The following ECPAS variants were observed in gnomAD, a reference collection of about 807,000 sequenced individuals.
ECPAS encodes the protein proteasome adapter and scaffold protein ECM29.
A neutral mutation model predicts 255.1 loss-of-function variants in ECPAS; 70 were observed. The observed-to-expected ratio is 0.27, with a 90% confidence interval of 0.23 to 0.33. The LOEUF is 0.33. Ranked by LOEUF, ECPAS falls within the 10% of genes least tolerant of loss-of-function variation. The pLI is 1.00. For missense variants in ECPAS, 1,817 were observed against 2,206.4 expected, an observed-to-expected ratio of 0.82 and a Z score of 3.54; for synonymous variants, 784 against 775.0, an observed-to-expected ratio of 1.01 and a Z score of -0.19.
intron 35 of ECPAS, among the ~76,000 whole-genome samples, chr9:111,382,124 T>C (rs2131563962): frequency 6.6e-6 from 1 of 152,196 alleles, no homozygotes; most frequent in South Asian, 2.1e-4. Context: ...TTTTGTGCTA[T>C]AAGGAGTGAT....
intron 9 of ECPAS, 84 bp from the exon 10 acceptor site, chr9:111,428,245 GGT>G: frequency 2.2e-6 from 3 of 1,339,266 alleles, no homozygotes; most frequent in Non-Finnish European, 3.0e-6. Flanking sequence ...CTTAATCAGT[GGT>G]CTCTCAAACT....
intron 3 of ECPAS, among the ~76,000 whole-genome samples, chr9:111,449,752 G>C (rs935111519): frequency 1.3e-5 from 2 of 152,170 alleles, no homozygotes; most frequent in African/African-American, 4.8e-5. Context: ...CCAACAGCTA[G>C]AGTGATGGAG....
intron 21 of ECPAS, 40 bp downstream of exon 21, chr9:111,411,974 C>A: frequency 8.2e-6 from 12 of 1,466,144 alleles, no homozygotes; most frequent in South Asian, 1.5e-5. Flanking sequence ...TTTATAAAAC[C>A]CTATCTCCCA....
At chr9:111,372,397 G>A (rs781281916) in intron 42 of ECPAS, 32 bp downstream of exon 42, 7 of 1,578,474 alleles carry the variant, frequency 4.4e-6, no homozygotes, top group Non-Finnish European at 6.0e-6. Flanking sequence ...TGATTCCTAA[G>A]AAGCAGGTTT....
At chr9:111,457,505 A>G (rs2131997755) in intron 2 of ECPAS, among the ~76,000 whole-genome samples, 1 of 152,334 alleles carries the variant, frequency 6.6e-6, no homozygotes, top group East Asian at 1.9e-4. Flanking sequence ...ACAGGAGGGA[A>G]ACAGGAAGAC....
chr9:111,440,865 A>C (rs1057354288), intron 5 of ECPAS, among the ~76,000 whole-genome samples: 2 of 152,238 alleles, frequency 1.3e-5, no homozygotes, highest in African/African-American at 4.8e-5. Context: ...TTGTCTTTTC[A>C]AAAAGAATTA....
chr9:111,447,237 A>G (rs2098254393), intron 3 of ECPAS, among the ~76,000 whole-genome samples: 3 of 151,618 alleles, frequency 2.0e-5, no homozygotes, highest in African/African-American at 7.3e-5. Flanking sequence ...CAATCTTCCT[A>G]TCTCAGTCAC....
chr9:111,468,096 G>A (rs1405662272), intron 2 of ECPAS, among the ~76,000 whole-genome samples: 1 of 152,120 alleles, frequency 6.6e-6, no homozygotes, highest in African/African-American at 2.4e-5. Context: ...GTTGCAGTGA[G>A]CCGAGATCAC....
intron 24 of ECPAS, among the ~76,000 whole-genome samples, chr9:111,407,432 A>AAAAAAAAAAAC (rs2098186587): frequency 8.4e-5 from 12 of 142,800 alleles, no homozygotes; most frequent in Non-Finnish European, 1.9e-4. Flanking sequence ...AAAAAAAAAA[A>AAAAAAAAAAAC]AAAAAACCTA....
chr9:111,410,147 C>T lies in ECPAS; in HGVS notation c.2444G>A (p.Gly815Asp). Residue 815 changes from glycine (G) to aspartate (D), a missense_variant, in exon 23 of 50, where the codon GGC becomes GAC. Gly to Asp is a moderately conservative substitution (Grantham distance 94). Coordinates refer to ENST00000684092, the MANE Select transcript of ECPAS (RefSeq NM_001364929.1). ...GGGGATTGGAAGTGGACCATTTCTG[C>T]CAATTTCACCCAGGGCTGTGCAGGC... Reference protein sequence around the residue: ...IAACTALGEIGRNGPLPIPSE... With the variant: ...IAACTALGEIDRNGPLPIPSE... 6.2e-7 allele frequency: 1 copy of T among 1,612,554 alleles called. No individual in the cohort carries two copies. The highest frequency in any genetic ancestry group is 8.5e-7 in the Non-Finnish European group (1 of 1,179,384).
In ECPAS at chr9:111,370,521, T is replaced by C. The variant is rs2131500463; in HGVS notation, c.4888A>G (p.Ile1630Val). ...KENVKYKIVAISCAADILKAT... is the reference protein window; with the variant it reads ...KENVKYKIVAVSCAADILKAT... ...TTCAAGATATCAGCTGCACAGCTGA[T>C]TGCTACAATCTTGTATTTGACATTC... The change falls in exon 45 of 50, where the codon ATC becomes GTC. Residue 1630 changes from isoleucine to valine, a missense_variant. By Grantham distance (29) the Ile-to-Val change is conservative. This residue lies in a region of ECPAS where 960 missense variants were observed against 1,179.0 expected (regional missense o/e 0.81). Coordinates refer to ENST00000684092, the MANE Select transcript of ECPAS (RefSeq NM_001364929.1). The C allele has an allele frequency of 1.2e-6, 2 of 1,611,642 alleles. No homozygotes were observed. The highest frequency in any genetic ancestry group is 1.3e-5 in the African/African-American group (1 of 75,026).
chr9:111,378,448 T>TA (rs2098136137), intron 36 of ECPAS, 132 bp downstream of exon 36: 1 of 906,484 alleles, frequency 1.1e-6, no homozygotes, highest in Non-Finnish European at 1.6e-6. Flanking sequence ...AAAAAAACAG[T>TA]AAAACACTGC....
chr9:111,478,040 A>C (rs1035257159), intron 1 of ECPAS, among the ~76,000 whole-genome samples: 1 of 151,794 alleles, frequency 6.6e-6, no homozygotes, highest in African/African-American at 2.4e-5. Context: ...AGCTGGGACT[A>C]CAGGCGCATG....
At chr9:111,389,771 T>C in intron 30 of ECPAS, 48 bp from the exon 31 acceptor site, 6 of 1,536,450 alleles carry the variant, frequency 3.9e-6, no homozygotes, top group Non-Finnish European at 4.4e-6. Context: ...TATAGTAAAA[T>C]ATTAACATAG....
intron 5 of ECPAS, among the ~76,000 whole-genome samples, chr9:111,440,960 C>A (rs901866456): frequency 1.3e-5 from 2 of 151,284 alleles, no homozygotes; most frequent in Non-Finnish European, 3.0e-5. Context: ...GTCAGGAGAT[C>A]GAGACCATGG....
intron 3 of ECPAS, among the ~76,000 whole-genome samples, chr9:111,445,630 T>C (rs1009705328): frequency 1.3e-5 from 2 of 152,220 alleles, no homozygotes; most frequent in Admixed American, 1.3e-4. Flanking sequence ...AAAAGGATTC[T>C]GGCAAAATAC....
chr9:111,404,803 T>A (rs1465477222), intron 24 of ECPAS, among the ~76,000 whole-genome samples: 1 of 39,228 alleles, frequency 2.5e-5, no homozygotes, highest in Non-Finnish European at 5.1e-5. Flanking sequence ...ATCCTGCTTA[T>A]AATAGCTACC....
In ECPAS at chr9:111,414,525, C is replaced by T. The variant is rs773344338; in HGVS notation, c.1891G>A (p.Gly631Arg). Residue 631 changes from glycine to arginine, a missense_variant, in exon 19 of 50, where the codon GGG becomes AGG. Gly to Arg is a moderately radical substitution (Grantham distance 125). Transcript: ENST00000684092. The stretch of plus-strand genomic sequence containing the variant: ...TTAGATGATGAGGGTGCCATCTGCC[C>T]GCTTGACATTAAAGTCCGTATGTAG... ...GRYIRTLMSS[G>R]QMAPSSSNKS... 39 of 1,613,870 alleles carry T rather than the reference C, an allele frequency of 2.4e-5. No individual in the cohort carries two copies. The highest frequency in any genetic ancestry group is 1.6e-4 in the Middle Eastern group (1 of 6,084).
intron 3 of ECPAS, among the ~76,000 whole-genome samples, chr9:111,445,495 G>C (rs1443403403): frequency 6.6e-6 from 1 of 151,916 alleles, no homozygotes; most frequent in Admixed American, 6.6e-5. Context: ...GAAGTGACAG[G>C]AACACTGAGT....
Sources: gnomAD v4.1 joint callset for allele counts (sites outside exome capture counted in the v4.1 genomes callset) on GRCh38, gnomAD v4.1.1 for gene constraint, gnomAD v4.1.1 regional missense constraint, MANE v1.5 for transcripts, NCBI Gene and HGNC (gene_info 2026-07-23, HGNC 2026-07-21) for gene names.